RPRD1B: variants seen among roughly 807,000 people sequenced by gnomAD.
The protein encoded by RPRD1B is regulation of nuclear pre-mRNA domain-containing protein 1B.
RPRD1B carries 11 observed loss-of-function variants against 41.5 expected under a neutral mutation model. The observed-to-expected ratio is 0.27, with a 90% confidence interval of 0.17 to 0.44. The LOEUF is 0.44. Among genes scored for constraint, RPRD1B ranks in the 20% least tolerant of loss-of-function variants. RPRD1B has a pLI of 1.00. For missense variants in RPRD1B, 248 were observed against 389.9 expected (o/e 0.64, Z 3.06); for synonymous variants, 158 against 155.6 (o/e 1.02, Z -0.12).
chr20:38,088,000 C>G (rs1407844551), intron 6 of RPRD1B, among the ~76,000 whole-genome samples: 1 of 152,172 alleles, frequency 6.6e-6, no homozygotes, highest in Non-Finnish European at 1.5e-5. Context: ...GGAGTCATTG[C>G]TAATCATTTA....
chr20:38,050,864 G>A (rs76131589), intron 3 of RPRD1B, among the ~76,000 whole-genome samples: 1,573 of 152,302 alleles, frequency 0.01, 25 homozygotes, highest in African/African-American at 0.036. Flanking sequence ...ATTTCAACAT[G>A]TGTGTTAGTC....
At chr20:38,069,806 A>G (rs559187075) in intron 6 of RPRD1B, among the ~76,000 whole-genome samples, 23 of 152,344 alleles carry the variant, frequency 1.5e-4, no homozygotes, top group Admixed American at 1.3e-3. Context: ...GCTAATAATA[A>G]TTTGATCAGA....
Position 38,067,502 on chromosome 20 carries a change from T to G in RPRD1B, c.831+1246T>G, listed in dbSNP as rs143887941. 8.3e-3 allele frequency among the ~76,000 whole-genome samples: 1,268 copies of G among 152,338 alleles called. 10 individuals are homozygous for G. Among genetic ancestry groups the G allele is most frequent in the African/African-American group, 0.025 (1,039 of 41,572 alleles). ...CACAGAAGGAGGGAACATTGAGCTA[T>G]CTCTGAGGCTGAGATCATTGTATTT... is the stretch of plus-strand genomic sequence containing the variant. On this transcript the variant is annotated intron_variant, in intron 6 of 6. Coordinates refer to ENST00000373433, the MANE Select transcript of RPRD1B (RefSeq NM_021215.4).
At chr20:38,062,534 T>A (rs1226008079) in intron 5 of RPRD1B, among the ~76,000 whole-genome samples, 2 of 152,130 alleles carry the variant, frequency 1.3e-5, no homozygotes, top group Non-Finnish European at 2.9e-5. Context: ...ACTCATGGTC[T>A]TCTCCATCTC....
chr20:38,045,931 C>G (rs145469915), intron 2 of RPRD1B, among the ~76,000 whole-genome samples: 289 of 152,310 alleles, frequency 1.9e-3, no homozygotes, highest in African/African-American at 6.4e-3. Flanking sequence ...AGGCCACGTG[C>G]TTTAATATGG....
chr20:38,053,190 A>T (rs941353645), intron 3 of RPRD1B, among the ~76,000 whole-genome samples: 1 of 152,198 alleles, frequency 6.6e-6, no homozygotes, highest in African/African-American at 2.4e-5. Flanking sequence ...TTAAATTCAG[A>T]TGTAGAAATG....
chr20:38,068,334 C>T (rs769287833), intron 6 of RPRD1B, among the ~76,000 whole-genome samples: 21 of 152,162 alleles, frequency 1.4e-4, no homozygotes, highest in Non-Finnish European at 4.4e-5. Flanking sequence ...TGAGCAGAAC[C>T]ATTTATTGTA....
rs550854317 is a variant in RPRD1B at position 38,091,859 on chromosome 20, A to T, written c.*1984A>T. 12 of 985,858 alleles carry T rather than the reference A, an allele frequency of 1.2e-5. No individual in the cohort carries two copies. The South Asian group carries it at 5.6e-4, about 46-fold the overall frequency. 61.1% of individuals were successfully genotyped at this position (985,858 alleles called of 1,614,324 possible). A position where few individuals can be genotyped will look rare whatever the true frequency, so the allele number is the denominator to read the frequency against. On this transcript the variant is annotated 3_prime_UTR_variant, in exon 7 of 7. Coordinates refer to ENST00000373433, the MANE Select transcript of RPRD1B (RefSeq NM_021215.4). ...AGTCTCTGACCAGCAATTGGTGCAT[A>T]ATTATTACAGCAAAAGTTAAGAAAT...
At chr20:38,086,740 C>T (rs766995304) in intron 6 of RPRD1B, among the ~76,000 whole-genome samples, 2 of 152,174 alleles carry the variant, frequency 1.3e-5, no homozygotes, top group African/African-American at 2.4e-5. Flanking sequence ...GGCGTCCCTG[C>T]GAGAAGAGTC....
chr20:38,087,183 C>A (rs1182478086), intron 6 of RPRD1B, among the ~76,000 whole-genome samples: 2 of 152,208 alleles, frequency 1.3e-5, no homozygotes, highest in Non-Finnish European at 2.9e-5. Context: ...TGGTCTTGAA[C>A]TCCTGACCTC....
At chr20:38,075,591 A>T (rs1327730628) in intron 6 of RPRD1B, among the ~76,000 whole-genome samples, 1 of 152,144 alleles carries the variant, frequency 6.6e-6, no homozygotes, top group Non-Finnish European at 1.5e-5. Flanking sequence ...TGGGCCTTCT[A>T]CTCCCACTTA....
intron 1 of RPRD1B, among the ~76,000 whole-genome samples, chr20:38,038,298 T>A (rs1326555332): frequency 2.7e-5 from 4 of 149,432 alleles, no homozygotes; most frequent in Middle Eastern, 6.8e-3. Context: ...GTTACTCTCC[T>A]GTAGCTACAT....
intron 6 of RPRD1B, among the ~76,000 whole-genome samples, chr20:38,085,126 T>C (rs896442398): frequency 2.0e-5 from 3 of 152,194 alleles, no homozygotes; most frequent in African/African-American, 7.2e-5. Flanking sequence ...TTTTGCCATG[T>C]CTTCTCTTGC....
chr20:38,070,462 T>C lies in RPRD1B; in HGVS notation c.831+4206T>C, dbSNP rs952689493. 4.1e-6 allele frequency: 4 copies of C among 985,398 alleles called. No individual in the cohort carries two copies. The African/African-American group carries it at 7.0e-5, about 17-fold the overall frequency. The allele number at this position is 985,398 out of a possible 1,614,324, so 61.0% of individuals were successfully genotyped here. On this transcript the variant is annotated intron_variant, in intron 6 of 6. Transcript: ENST00000373433. ...AAGGCCAAAGATACCAGAAAAGCCT[T>C]CCAGCTTCACTTCCAGAGCAAAGAG...
chr20:38,067,584 G>A (rs1215028636), intron 6 of RPRD1B, among the ~76,000 whole-genome samples: 2 of 152,186 alleles, frequency 1.3e-5, no homozygotes, highest in African/African-American at 2.4e-5. Context: ...ACTTTTTACC[G>A]TATCCTTACC....
chr20:38,034,427 C>T (rs1419347917), intron 1 of RPRD1B, among the ~76,000 whole-genome samples: 1 of 152,164 alleles, frequency 6.6e-6, no homozygotes, highest in African/African-American at 2.4e-5. Flanking sequence ...CATGTCGGGC[C>T]CAGTGCTGGG....
intron 4 of RPRD1B, among the ~76,000 whole-genome samples, chr20:38,057,994 G>A (rs2074261251): frequency 6.6e-6 from 1 of 152,178 alleles, no homozygotes; most frequent in Admixed American, 6.5e-5. Context: ...CAGTAGCATG[G>A]TAGTTTTATA....
intron 6 of RPRD1B, among the ~76,000 whole-genome samples, chr20:38,082,491 A>G (rs1190688160): frequency 2.6e-5 from 4 of 152,004 alleles, no homozygotes; most frequent in Admixed American, 6.5e-5. Context: ...GATTCACACC[A>G]TTCTCCTGCC....
At chr20:38,084,241 T>C (rs1025244672) in intron 6 of RPRD1B, among the ~76,000 whole-genome samples, 48 of 152,076 alleles carry the variant, frequency 3.2e-4, no homozygotes, top group African/African-American at 1.1e-3. Context: ...TTAAATTCAG[T>C]GTGGCAGGTC....
Sources: allele counts gnomAD v4.1 joint callset (sites outside exome capture counted in the v4.1 genomes callset), GRCh38; gene constraint gnomAD v4.1.1; transcripts MANE v1.5; gene names NCBI Gene and HGNC (gene_info 2026-07-23, HGNC 2026-07-21).